The following AHR variants were observed in gnomAD, a reference collection of about 807,000 sequenced individuals.
AHR encodes aryl hydrocarbon receptor, also known as AH-receptor.
A neutral mutation model predicts 86.8 loss-of-function variants in AHR; 40 were observed. That is an observed-to-expected ratio of 0.46 (90% CI 0.36 to 0.60). The LOEUF is 0.60. Among genes scored for constraint, AHR ranks in the 20% least tolerant of loss-of-function variants. The pLI is 0.00. For synonymous variants in AHR, 398 were observed against 354.9 expected (o/e 1.12, Z -1.37); for missense variants, 1,001 against 1,011.6 (o/e 0.99, Z 0.14).
intron 1 of AHR, among the ~76,000 whole-genome samples, chr7:17,304,454 G>C (rs1168543123): frequency 6.6e-6 from 1 of 151,942 alleles, no homozygotes; most frequent in Non-Finnish European, 1.5e-5. Flanking sequence ...TAGCATCTGG[G>C]TTTAGCTGTC....
chr7:17,299,228 G>A lies in AHR; in HGVS notation c.-37G>A. ...CCGGGTTCCGGGGACCCGGCCGCCA[G>A]TGCCCGGGGAGTAGCCGCCGCCGTC... On this transcript the variant is annotated 5_prime_UTR_variant, in exon 1 of 11. The change creates a new upstream start codon in the 5' untranslated region. Coordinates refer to ENST00000242057, the MANE Select transcript of AHR (RefSeq NM_001621.5). The A allele has an allele frequency of 6.2e-7, 1 of 1,604,586 alleles. No homozygotes were observed. The highest frequency in any genetic ancestry group is 8.5e-7 in the Non-Finnish European group (1 of 1,177,260).
At chr7:17,305,675 T>TA (rs1781998456) in intron 1 of AHR, among the ~76,000 whole-genome samples, 1 of 152,176 alleles carries the variant, frequency 6.6e-6, no homozygotes, top group South Asian at 2.1e-4. Flanking sequence ...AATCTCTTGT[T>TA]AAAAAACGTC....
chr7:17,341,526 C>T (rs1562483370), intron 10 of AHR, among the ~76,000 whole-genome samples: 1 of 152,130 alleles, frequency 6.6e-6, no homozygotes, highest in East Asian at 1.9e-4. Flanking sequence ...TATAGACCTA[C>T]ATATGTTCCA....
chr7:17,334,875 TA>T lies in AHR; in HGVS notation c.909-11del. ...AATCCATTCTTATTTTACCTTTTTT[TA>T]TTTTAAACAGAGGAAGAATTGTTTT... On this transcript the variant is annotated splice_polypyrimidine_tract_variant and intron_variant, in intron 7 of 10. Coordinates refer to ENST00000242057, the MANE Select transcript of AHR (RefSeq NM_001621.5). 1 of 1,571,324 alleles carries T rather than the reference TA, an allele frequency of 6.4e-7. No individual in the cohort carries two copies. Among genetic ancestry groups the T allele is most frequent in the East Asian group, 2.2e-5 (1 of 44,532 alleles).
rs4986826 is a variant in AHR, at chr7:17,339,533, G to A, written c.1708G>A (p.Val570Ile). ...TTTCAGAAATGATTTTTCTGGTGAG[G>A]TTGACTTCAGAGACATTGACTTAAC... ...KFFRNDFSGEVDFRDIDLTDE... is the reference protein window; with the variant it reads ...KFFRNDFSGEIDFRDIDLTDE... Residue 570 changes from valine to isoleucine, a missense_variant, in exon 10 of 11, where the codon GTT becomes ATT. Val to Ile is a conservative substitution (Grantham distance 29). Transcript: ENST00000242057. 8,934 of 1,614,096 alleles carry A rather than the reference G, an allele frequency of 5.5e-3. 229 individuals carry two copies. The African/African-American group carries it at 0.069, about 13-fold the overall frequency.
At chr7:17,321,663 C>A (rs189280989) in intron 2 of AHR, among the ~76,000 whole-genome samples, 53 of 151,066 alleles carry the variant, frequency 3.5e-4, no homozygotes, top group East Asian at 7.8e-4. Flanking sequence ...ATGACACCTC[C>A]AATAGTAAGC....
chr7:17,340,654 A>AT (rs912997476), intron 10 of AHR, among the ~76,000 whole-genome samples: 1 of 152,120 alleles, frequency 6.6e-6, no homozygotes, highest in Non-Finnish European at 1.5e-5. Flanking sequence ...TCAAAGCTCT[A>AT]TTTTTTTATA....
intron 9 of AHR, 40 bp from the exon 10 acceptor site, chr7:17,338,946 A>G (rs762269151): frequency 2.0e-6 from 3 of 1,495,820 alleles, no homozygotes; most frequent in African/African-American, 2.8e-5. Flanking sequence ...AAAATGTTTG[A>G]TAGAATTTTT....
At chr7:17,299,764 A>C (rs553323740) in intron 1 of AHR, among the ~76,000 whole-genome samples, 366 of 152,182 alleles carry the variant, frequency 2.4e-3, no homozygotes, top group Non-Finnish European at 4.2e-3. Context: ...GTAAGGCGAG[A>C]TGTTTTAAAG....
intron 3 of AHR, among the ~76,000 whole-genome samples, chr7:17,325,843 A>G (rs1782223267): frequency 6.6e-6 from 1 of 152,180 alleles, no homozygotes; most frequent in Admixed American, 6.5e-5. Flanking sequence ...ATAACTGATA[A>G]GTACTAGGCT....
At chr7:17,323,129 A>G (rs992372769) in intron 3 of AHR, among the ~76,000 whole-genome samples, 1 of 152,130 alleles carries the variant, frequency 6.6e-6, no homozygotes, top group Non-Finnish European at 1.5e-5. Flanking sequence ...TAGATTAGTT[A>G]GAAGACCGGT....
At chr7:17,300,109 C>A (rs968479240) in intron 1 of AHR, among the ~76,000 whole-genome samples, 4 of 152,114 alleles carry the variant, frequency 2.6e-5, no homozygotes, top group South Asian at 4.1e-4. Context: ...ATTCTTTTCC[C>A]CTTCAAAGTT....
At chr7:17,304,091 C>T (rs562272999) in intron 1 of AHR, among the ~76,000 whole-genome samples, 33 of 151,972 alleles carry the variant, frequency 2.2e-4, no homozygotes, top group Non-Finnish European at 4.0e-4. Flanking sequence ...GTTCTTTTTA[C>T]TTCTTTCTAT....
intron 3 of AHR, among the ~76,000 whole-genome samples, chr7:17,325,814 GGA>G (rs1782222963): frequency 1.3e-5 from 2 of 152,218 alleles, no homozygotes; most frequent in African/African-American, 4.8e-5. Context: ...GTGGGAGGAG[GGA>G]GAGAGGATCA....
chr7:17,315,898 T>C (rs1046741793), intron 2 of AHR, among the ~76,000 whole-genome samples: 1 of 152,112 alleles, frequency 6.6e-6, no homozygotes, highest in East Asian at 1.9e-4. Flanking sequence ...TGCTTATGGC[T>C]GGAGATTTAG....
intron 2 of AHR, among the ~76,000 whole-genome samples, chr7:17,310,522 C>G (rs950777852): frequency 2.0e-5 from 3 of 150,882 alleles, no homozygotes; most frequent in Non-Finnish European, 4.4e-5. Flanking sequence ...TCCAAACTTA[C>G]GTATATTTCT....
chr7:17,329,564 A>G (rs1202833585), intron 4 of AHR, among the ~76,000 whole-genome samples: 1 of 151,944 alleles, frequency 6.6e-6, no homozygotes, highest in Non-Finnish European at 1.5e-5. Context: ...AAAGAATACC[A>G]TTAAGCTTAG....
intron 9 of AHR, among the ~76,000 whole-genome samples, chr7:17,336,244 C>G (rs1782353692): frequency 1.3e-5 from 2 of 152,004 alleles, no homozygotes. Context: ...TTGATTCCCC[C>G]CAGCCATTAT....
At chr7:17,342,608 G>T (rs1388760049) in intron 10 of AHR, among the ~76,000 whole-genome samples, 2 of 152,084 alleles carry the variant, frequency 1.3e-5, no homozygotes, top group Non-Finnish European at 2.9e-5. Flanking sequence ...TTTGTGACTT[G>T]TGCTGTTTGA....
Sources: allele counts gnomAD v4.1 joint callset (sites outside exome capture counted in the v4.1 genomes callset), GRCh38; gene constraint gnomAD v4.1.1; transcripts MANE v1.5; gene names NCBI Gene and HGNC (gene_info 2026-07-23, HGNC 2026-07-21).